The following ATP6V0A1 variants were observed in gnomAD, a reference collection of about 807,000 sequenced individuals.
ATP6V0A1 encodes the protein V-type proton ATPase 116 kDa subunit a 1.
ATP6V0A1 carries 43 observed loss-of-function variants against 105.4 expected under a neutral mutation model. The observed-to-expected ratio is 0.41, with a 90% CI of 0.32 to 0.53. ATP6V0A1 has a LOEUF of 0.53. ATP6V0A1 is among the 20% of genes least tolerant of loss of function. The pLI is 0.30. For synonymous variants in ATP6V0A1, 362 were observed against 372.8 expected (o/e 0.97, Z 0.33); for missense variants, 676 against 1,051.1 (o/e 0.64, Z 4.93).
At position 42,513,995 on chromosome 17, in the gene ATP6V0A1, G is replaced by A. The variant is rs754248367; in HGVS notation, c.2248+17G>A. On this transcript the variant is annotated intron_variant, in intron 20 of 21. Coordinates refer to ENST00000343619, the MANE Select transcript of ATP6V0A1 (RefSeq NM_001130021.3). ...CTCATGCGCGTGAGTACCTCTCTCCGGGCTCCGGAACTCTAGTTTCCCCCT... is the reference window on the plus strand; with the variant it reads ...CTCATGCGCGTGAGTACCTCTCTCCAGGCTCCGGAACTCTAGTTTCCCCCT... The A allele has an allele frequency of 6.2e-6, 10 of 1,607,632 alleles. No individual in the cohort carries two copies. The highest frequency in any genetic ancestry group is 4.0e-5 in the African/African-American group (3 of 74,742).
At chr17:42,471,813 G>T (rs759707162) in intron 5 of ATP6V0A1, among the ~76,000 whole-genome samples, 1 of 152,140 alleles carries the variant, frequency 6.6e-6, no homozygotes, top group Non-Finnish European at 1.5e-5. Flanking sequence ...AAGGCTTCCA[G>T]AATGCTCCCT....
chr17:42,504,050 A>T (rs561733548), intron 17 of ATP6V0A1, among the ~76,000 whole-genome samples: 2 of 152,266 alleles, frequency 1.3e-5, no homozygotes, highest in Non-Finnish European at 2.9e-5. Context: ...GATAAATTCT[A>T]AGTTAAAAGT....
intron 14 of ATP6V0A1, chr17:42,496,195 C>T: frequency 6.5e-6 from 1 of 153,322 alleles, no homozygotes; most frequent in East Asian, 1.9e-4. Flanking sequence ...ACCCAAGTGC[C>T]TTGAGGAGCC....
At chr17:42,516,667 C>G (rs888225672) in intron 21 of ATP6V0A1, among the ~76,000 whole-genome samples, 3 of 152,254 alleles carry the variant, frequency 2.0e-5, no homozygotes, top group African/African-American at 4.8e-5. Flanking sequence ...AGGGCGGGAG[C>G]AAGGCACTGT....
chr17:42,506,642 C>T (rs551897636), intron 17 of ATP6V0A1, among the ~76,000 whole-genome samples: 4 of 152,342 alleles, frequency 2.6e-5, no homozygotes, highest in African/African-American at 9.6e-5. Flanking sequence ...TTCCTTTTCA[C>T]GCTGTGGCAG....
intron 17 of ATP6V0A1, among the ~76,000 whole-genome samples, chr17:42,507,078 G>A (rs193081088): frequency 7.6e-4 from 116 of 152,278 alleles, no homozygotes; most frequent in African/African-American, 2.5e-3. Context: ...TCAGACTAGG[G>A]TACAATCACA....
chr17:42,466,919 G>A (rs895456433), intron 3 of ATP6V0A1, among the ~76,000 whole-genome samples: 4 of 151,980 alleles, frequency 2.6e-5, no homozygotes, highest in Non-Finnish European at 4.4e-5. Context: ...AGGCTGAGGC[G>A]GGTGGATCAC....
rs1028682651 is a variant in ATP6V0A1 at position 42,521,325 on chromosome 17, A to G, written c.*205A>G. On this transcript the variant is annotated 3_prime_UTR_variant, in exon 22 of 22. Coordinates refer to ENST00000343619, the MANE Select transcript of ATP6V0A1 (RefSeq NM_001130021.3). This position sits in a 1 kb window ranked among gnomAD's most constrained non-coding sequence, Gnocchi z 4.8. ...GTAGTGTAGTGATTTTCTGGCTGTC[A>G]CTCATACTCACTGGGCACCAGCCTT... The G allele has an allele frequency of 2.5e-6, 1 of 393,514 alleles. No individual in the cohort carries two copies. The allele number at this position is 393,514 out of a possible 1,614,324, so 24.4% of individuals were successfully genotyped here.
intron 21 of ATP6V0A1, chr17:42,518,079 C>G (rs987331156): frequency 1.3e-5 from 2 of 152,244 alleles, no homozygotes; most frequent in South Asian, 4.1e-4. Flanking sequence ...TTCTTACCTA[C>G]CATAATTAGA....
At chr17:42,517,405 G>A (rs763910038) in intron 21 of ATP6V0A1, among the ~76,000 whole-genome samples, 129 of 152,358 alleles carry the variant, frequency 8.5e-4, no homozygotes, top group Non-Finnish European at 1.2e-3. Context: ...CCCCAGAGGA[G>A]GCAGAGGATA....
chr17:42,498,698 C>T (rs1354171816), intron 14 of ATP6V0A1, among the ~76,000 whole-genome samples: 1 of 151,990 alleles, frequency 6.6e-6, no homozygotes, highest in Non-Finnish European at 1.5e-5. Flanking sequence ...TGGTGGCAGG[C>T]ACCTGTAGTC....
chr17:42,487,431 A>G (rs916671427), intron 10 of ATP6V0A1, 64 bp downstream of exon 10: 15 of 1,551,336 alleles, frequency 9.7e-6, no homozygotes, highest in Non-Finnish European at 1.2e-5. Context: ...CAATAGTAAC[A>G]TTAATGTCAT....
intron 9 of ATP6V0A1, among the ~76,000 whole-genome samples, chr17:42,484,077 T>A (rs2089847265): frequency 6.6e-6 from 1 of 152,012 alleles, no homozygotes; most frequent in East Asian, 1.9e-4. Flanking sequence ...TTTGTTTGTT[T>A]TTGAGACGGA....
At chr17:42,459,928 A>G (rs2086214000) in intron 1 of ATP6V0A1, among the ~76,000 whole-genome samples, 1 of 152,142 alleles carries the variant, frequency 6.6e-6, no homozygotes, top group Non-Finnish European at 1.5e-5. Context: ...AATACTGTGC[A>G]TTTTTCTGAG....
intron 19 of ATP6V0A1, among the ~76,000 whole-genome samples, chr17:42,509,082 GA>G (rs1567865402): frequency 6.6e-6 from 1 of 151,662 alleles, no homozygotes; most frequent in Admixed American, 6.6e-5. Context: ...CTTCAACTTA[GA>G]AGTGGTGGAC....
chr17:42,489,075 G>T (rs1441983969), intron 10 of ATP6V0A1, among the ~76,000 whole-genome samples: 3 of 147,658 alleles, frequency 2.0e-5, no homozygotes, highest in Admixed American at 6.7e-5. Flanking sequence ...TTTGTTTTTT[G>T]GTTTTTTTTT....
chr17:42,469,047 CAT>C (rs776239486), intron 4 of ATP6V0A1, among the ~76,000 whole-genome samples: 1 of 151,948 alleles, frequency 6.6e-6, no homozygotes, highest in Non-Finnish European at 1.5e-5. Context: ...GGGATTTTCC[CAT>C]GTTGGCCAGC....
intron 12 of ATP6V0A1, chr17:42,494,755 A>T: frequency 2.1e-6 from 1 of 470,982 alleles, no homozygotes; most frequent in Non-Finnish European, 3.7e-6. Flanking sequence ...AAAAATAAAA[A>T]TTATTTAGGT....
intron 2 of ATP6V0A1, 61 bp from the exon 3 acceptor site, chr17:42,466,368 T>A (rs982313066): frequency 1.4e-6 from 2 of 1,428,590 alleles, no homozygotes; most frequent in African/African-American, 2.8e-5. Context: ...ATGTGTTGCT[T>A]GAGAAACAGA....
Sources: allele counts gnomAD v4.1 joint callset (sites outside exome capture counted in the v4.1 genomes callset), GRCh38; gene constraint gnomAD v4.1.1; non-coding constraint Gnocchi (gnomAD v3.1); transcripts MANE v1.5; gene names NCBI Gene and HGNC (gene_info 2026-07-23, HGNC 2026-07-21).